The following XIRP1 variants were observed in gnomAD, a reference collection of about 807,000 sequenced individuals.
XIRP1 encodes xin actin-binding repeat-containing protein 1.
For synonymous variants in XIRP1, 984 were observed against 947.0 expected, an observed-to-expected ratio of 1.04 and a Z score of -0.72; for missense variants, 2,378 against 2,345.4, an observed-to-expected ratio of 1.01 and a Z score of -0.29.
In XIRP1 at chr3:39,186,029, C is replaced by T; in HGVS notation, c.3417G>A (p.Gln1139=). Residue 1139 remains glutamine, a synonymous_variant, in exon 2 of 2, where the codon CAG becomes CAA. Coordinates refer to ENST00000340369, the MANE Select transcript of XIRP1 (RefSeq NM_194293.4). ...CGGGATGAGCGGTGTAGATGCCATC[C>T]TGAATTGTCACCCACCCCCCAGGCA... ...RGLPGGWVTI[Q]DGIYTAHPVR... 6.2e-7 allele frequency: 1 copy of T among 1,613,746 alleles called. No homozygotes were observed. The highest frequency in any genetic ancestry group is 8.5e-7 in the Non-Finnish European group (1 of 1,179,880).
rs750040032 is a variant in XIRP1, at chr3:39,185,336, G to T, written c.4110C>A (p.Ile1370=). The T allele has an allele frequency of 6.2e-7, 1 of 1,614,226 alleles. No homozygotes were observed. Among genetic ancestry groups the T allele is most frequent in the East Asian group, 2.2e-5 (1 of 44,874 alleles). Residue 1370 remains isoleucine (I), a synonymous_variant, in exon 2 of 2, where the codon ATC becomes ATA. Transcript: ENST00000340369. The part of the protein sequence containing the change: ...EHQRGERDTA[I]PQPAKVPTTV... ...TAGTGGGAACCTTGGCTGGCTGAGGGATGGCTGTATCTCTCTCACCTCGTT... is the reference window on the plus strand; with the variant it reads ...TAGTGGGAACCTTGGCTGGCTGAGGTATGGCTGTATCTCTCTCACCTCGTT...
In XIRP1 at chr3:39,187,672, G is replaced by C. The variant is rs1256840486; in HGVS notation, c.1774C>G (p.Gln592Glu). The C allele has an allele frequency of 1.9e-6, 3 of 1,614,032 alleles. No homozygotes were observed. The Admixed American group carries it at 5.0e-5, about 27-fold the overall frequency. ...GTCTCGAACAACCACCGGATGGTCT[G>C]CACATCGCCCTTTGGGGGTGCCTCA... ...QPEAPPKGDV[Q>E]TIRWLFETCP... is the part of the protein sequence containing the mutation. The change falls in exon 2 of 2, where the codon CAG becomes GAG. Residue 592 changes from glutamine (Q) to glutamate (E), a missense_variant. By Grantham distance (29) the Gln-to-Glu change is conservative. Transcript: ENST00000340369.
In XIRP1 at chr3:39,186,530, A is replaced by G. The variant is rs1479890316; in HGVS notation, c.2916T>C (p.His972=). 4 of 1,612,196 alleles carry G rather than the reference A, an allele frequency of 2.5e-6. No homozygotes were observed. Among genetic ancestry groups the G allele is most frequent in the Non-Finnish European group, 3.4e-6 (4 of 1,179,320 alleles). ...CCATGCTGGGGTCCAGTGGGGGAAC[A>G]TGGATGATGCTCTCAGTTGGGTGCA... ...QSLHPTESII[H]VPPLDPSMGM... Residue 972 remains histidine, a synonymous_variant, in exon 2 of 2, where the codon CAT becomes CAC. Transcript: ENST00000340369.
rs2039961666 is a variant in XIRP1, at chr3:39,185,972, C to A, written c.3474G>T (p.Gln1158His). ...VRTFDPPGGV[Q>H]LSQREPQSRH... ...TTGACTGGGGTTCCCTCTGAGAAAGCTGGACACCCCCAGGTGGGTCAAAGG... is the reference window on the plus strand; with the variant it reads ...TTGACTGGGGTTCCCTCTGAGAAAGATGGACACCCCCAGGTGGGTCAAAGG... Residue 1158 changes from glutamine (Q) to histidine (H), a missense_variant, in exon 2 of 2, where the codon CAG becomes CAT. Gln to His is a conservative substitution (Grantham distance 24). Transcript: ENST00000340369. 6.2e-7 allele frequency: 1 copy of A among 1,614,096 alleles called. No homozygotes were observed. The highest frequency in any genetic ancestry group is 1.1e-5 in the South Asian group (1 of 91,088).
chr3:39,192,188 G>A (rs2040096033), intron 1 of XIRP1, among the ~76,000 whole-genome samples: 1 of 152,232 alleles, frequency 6.6e-6, no homozygotes, highest in Non-Finnish European at 1.5e-5. Flanking sequence ...GATCATGCCA[G>A]CCTGGCAGGA....
chr3:39,186,737 G>T lies in XIRP1; in HGVS notation c.2709C>A (p.Gly903=). The stretch of plus-strand genomic sequence containing the variant: ...GAGAGTAGGCAGTCAGTGCGACCAG[G>T]CCCTGCTCTGTCTCCTGCATCACCA... ...TGLVMQETEQ[G]LVALTAYSLQ... The change falls in exon 2 of 2, where the codon GGC becomes GGA. Residue 903 remains glycine, a synonymous_variant. Transcript: ENST00000340369. The T allele has an allele frequency of 2.5e-6, 4 of 1,613,994 alleles. No individual in the cohort carries two copies. Among genetic ancestry groups the T allele is most frequent in the Non-Finnish European group, 3.4e-6 (4 of 1,180,030 alleles).
chr3:39,183,887 G>T lies in XIRP1; in HGVS notation c.*27C>A. On this transcript the variant is annotated 3_prime_UTR_variant, in exon 2 of 2. Coordinates refer to ENST00000340369, the MANE Select transcript of XIRP1 (RefSeq NM_194293.4). ...GGGGCAGTGGAGGCCAGGAACAGGT[G>T]GCAGGTGTGGTGGGAGGCGGTGGGC... 1.3e-6 allele frequency: 2 copies of T among 1,597,554 alleles called. No homozygotes were observed. The highest frequency in any genetic ancestry group is 1.7e-5 in the Admixed American group (1 of 59,062).
chr3:39,186,596 A>T lies in XIRP1; in HGVS notation c.2850T>A (p.Ala950=). The change falls in exon 2 of 2, where the codon GCT becomes GCA. Residue 950 remains alanine, a synonymous_variant. Coordinates refer to ENST00000340369, the MANE Select transcript of XIRP1 (RefSeq NM_194293.4). The stretch of plus-strand genomic sequence containing the variant: ...CGCTGGCTGGCACTGGACTCGGGTC[A>T]GCCGGGGGCTCCCACCGCAGACTGT... The part of the protein sequence containing the change: ...GLHSLRWEPP[A]DPSPVPASEG... The T allele has an allele frequency of 6.2e-7, 1 of 1,610,170 alleles. No homozygotes were observed. The highest frequency in any genetic ancestry group is 1.7e-4 in the Middle Eastern group (1 of 6,052).
In XIRP1 at chr3:39,188,736, G is replaced by A. The variant is rs35083720; in HGVS notation, c.710C>T (p.Thr237Met). The change falls in exon 2 of 2, where the codon ACG becomes ATG. Residue 237 changes from threonine (T) to methionine (M), a missense_variant. Thr to Met is a moderately conservative substitution (Grantham distance 81, BLOSUM62 -1). Transcript: ENST00000340369. ...DVKKTVKLFQ[T>M]EPLCAIQDAE... ...ATCCTGGATGGCACACAGGGGCTCC[G>A]TTTGGAAGAGCTTCACTGTCTTTTT... The A allele has an allele frequency of 1.2e-6, 2 of 1,613,710 alleles. No individual in the cohort carries two copies. The highest frequency in any genetic ancestry group is 1.1e-5 in the South Asian group (1 of 91,092).
rs937739014 is a variant in XIRP1 at position 39,192,502 on chromosome 3, G to A, written c.-137C>T. ...TGGTCTGTAGCAGCTGTGGTCTCAG[G>A]GTTCGTCGTTCCTCTGGAGGTTCTT... On this transcript the variant is annotated 5_prime_UTR_variant, in exon 1 of 2. Transcript: ENST00000340369. The A allele has an allele frequency of 6.6e-6, 1 of 152,446 alleles. No homozygotes were observed. The highest frequency in any genetic ancestry group is 1.5e-5 in the Non-Finnish European group (1 of 68,272). The allele number at this position is 152,446 out of a possible 1,614,324, so 9.4% of individuals were successfully genotyped here.
At position 39,183,842 on chromosome 3, in the gene XIRP1, C is replaced by G. The variant is rs998847694; in HGVS notation, c.*72G>C. ...GGTCCTTGCTCCAGTGTACAGGAGG[C>G]AGGTACCCACTTCAGTCCTGGGGCA... is the stretch of plus-strand genomic sequence containing the variant. On this transcript the variant is annotated 3_prime_UTR_variant, in exon 2 of 2. Coordinates refer to ENST00000340369, the MANE Select transcript of XIRP1 (RefSeq NM_194293.4). 9.8e-6 allele frequency: 15 copies of G among 1,528,036 alleles called. No homozygotes were observed. Among genetic ancestry groups the G allele is most frequent in the Non-Finnish European group, 1.1e-5 (12 of 1,140,406 alleles). 94.7% of individuals were successfully genotyped at this position (1,528,036 alleles called of 1,614,324 possible). A position where few individuals can be genotyped will look rare whatever the true frequency, so the allele number is the denominator to read the frequency against.
rs151275736 is a variant in XIRP1, at chr3:39,185,683, G to A, written c.3763C>T (p.Pro1255Ser). 4,157 of 1,613,334 alleles carry A rather than the reference G, an allele frequency of 2.6e-3. 14 individuals carry two copies. Among genetic ancestry groups the A allele is most frequent in the Non-Finnish European group, 2.9e-3 (3,411 of 1,179,666 alleles). ...ASPHPHNAFV[P>S]PPPTLPAAVT... is the part of the protein sequence containing the mutation. ...GCAGCTGGGAGAGTAGGAGGAGGAG[G>A]AACAAAGGCATTATGGGGGTGCGGG... is the stretch of plus-strand genomic sequence containing the variant. Residue 1255 changes from proline (P) to serine (S), a missense_variant, in exon 2 of 2, where the codon CCT becomes TCT. Transcript: ENST00000340369.
In XIRP1 at chr3:39,187,505, C is replaced by A. The variant is rs2040003758; in HGVS notation, c.1941G>T (p.Gln647His). The A allele has an allele frequency of 1.2e-6, 2 of 1,614,082 alleles. No homozygotes were observed. The highest frequency in any genetic ancestry group is 1.7e-6 in the Non-Finnish European group (2 of 1,180,052). Residue 647 changes from glutamine (Q) to histidine (H), a missense_variant, in exon 2 of 2, where the codon CAG becomes CAT. By Grantham distance (24) the Gln-to-His change is conservative. Coordinates refer to ENST00000340369, the MANE Select transcript of XIRP1 (RefSeq NM_194293.4). ...TTTCCCCAGCCGGGACCTGGCTAAC[C>A]TGCAGGTGCTGCTCCCTGGAGCCCA... ...RPVGSREQHLQVSQVPAGERQ... is the reference protein window; with the variant it reads ...RPVGSREQHLHVSQVPAGERQ...
rs776090614 is a variant in XIRP1, at chr3:39,186,258, G to A, written c.3188C>T (p.Ala1063Val). 1.9e-6 allele frequency: 3 copies of A among 1,613,078 alleles called. No individual in the cohort carries two copies. The South Asian group carries it at 3.3e-5, about 18-fold the overall frequency. ...TTGCTGGTGCAGGCTCTGGGCTTCA[G>A]CTGTTGCCATCCGCAGACTCTGCAT... ...AAMQSLRMATAEAQSLHQQVL... is the reference protein window; with the variant it reads ...AAMQSLRMATVEAQSLHQQVL... Residue 1063 changes from alanine to valine, a missense_variant, in exon 2 of 2, where the codon GCT (alanine) becomes GTT (valine). Transcript: ENST00000340369.
chr3:39,190,645 A>C (rs1575184882), intron 1 of XIRP1, among the ~76,000 whole-genome samples: 1 of 150,846 alleles, frequency 6.6e-6, no homozygotes, highest in Admixed American at 6.6e-5. Context: ...CCCCGGCTAC[A>C]CCCCCGCCCC....
In XIRP1 at chr3:39,187,877, C is replaced by G; in HGVS notation, c.1569G>C (p.Gln523His). 6.2e-7 allele frequency: 1 copy of G among 1,614,226 alleles called. No individual in the cohort carries two copies. The highest frequency in any genetic ancestry group is 8.5e-7 in the Non-Finnish European group (1 of 1,180,042). Residue 523 changes from glutamine to histidine, a missense_variant, in exon 2 of 2, where the codon CAG becomes CAC. Physicochemically the swap from Gln to His is conservative, Grantham distance 24. Coordinates refer to ENST00000340369, the MANE Select transcript of XIRP1 (RefSeq NM_194293.4). The stretch of plus-strand genomic sequence containing the variant: ...CGATGGTACTGGGGCTTCGGCCGAG[C>G]TGGTCTAGGGGCTGTGTCTCAAACA... The part of the protein sequence containing the change: ...RWMFETQPLD[Q>H]LGRSPSTIDV...
chr3:39,185,552 AG>A lies in XIRP1; in HGVS notation c.3893del (p.Pro1298LeufsTer36). On this transcript the variant is annotated frameshift_variant, in exon 2 of 2. Coordinates refer to ENST00000340369, the MANE Select transcript of XIRP1 (RefSeq NM_194293.4). LOFTEE classifies it low-confidence loss of function (END_TRUNC). Reference sequence around the variant, plus strand: ...ACCCTCCAGGGGTTCTCTGGCCAGCAGGGCTGCTGTGGGAGTGAAGAAGGGG... The same window carrying A: ...ACCCTCCAGGGGTTCTCTGGCCAGCAGGCTGCTGTGGGAGTGAAGAAGGGG... ...KDPLLHSHSS[P>X]AGQRTPGGSQ... 1 of 1,568,154 alleles carries A rather than the reference AG, an allele frequency of 6.4e-7. No homozygotes were observed.
chr3:39,189,415 T>G lies in XIRP1; in HGVS notation c.31A>C (p.Thr11Pro). The G allele has an allele frequency of 1.2e-6, 2 of 1,604,024 alleles. No homozygotes were observed. Among genetic ancestry groups the G allele is most frequent in the Non-Finnish European group, 1.7e-6 (2 of 1,175,036 alleles). Residue 11 changes from threonine (T) to proline (P), a missense_variant, in exon 2 of 2, where the codon ACA becomes CCA. Physicochemically the swap from Thr to Pro is conservative, Grantham distance 38. Transcript: ENST00000340369. Reference sequence around the variant, plus strand: ...GCAGTTGCCATCCTCATGGTTGGTGTGGGGGCCACCTGTGTCTGGGTGTCG... The same window carrying G: ...GCAGTTGCCATCCTCATGGTTGGTGGGGGGGCCACCTGTGTCTGGGTGTCG... MADTQTQVAP[T>P]PTMRMATAED...
In XIRP1 at chr3:39,187,593, G is replaced by C. The variant is rs1243901180; in HGVS notation, c.1853C>G (p.Thr618Arg). 1 of 1,614,094 alleles carries C rather than the reference G, an allele frequency of 6.2e-7. No homozygotes were observed. The highest frequency in any genetic ancestry group is 8.5e-7 in the Non-Finnish European group (1 of 1,180,038). Residue 618 changes from threonine to arginine, a missense_variant, in exon 2 of 2, where the codon ACA (threonine) becomes AGA (arginine). Physicochemically the swap from Thr to Arg is moderately conservative, Grantham distance 71. Coordinates refer to ENST00000340369, the MANE Select transcript of XIRP1 (RefSeq NM_194293.4). Reference sequence around the variant, plus strand: ...GCAGGACTGTGCCTCAGCCTTGGCTGTGGGATCTGTGACCTCTGACCCCTG... The same window carrying C: ...GCAGGACTGTGCCTCAGCCTTGGCTCTGGGATCTGTGACCTCTGACCCCTG... ...EKQGSEVTDPTAKAEAQSCTW... is the reference protein window; with the variant it reads ...EKQGSEVTDPRAKAEAQSCTW...
Sources: gnomAD v4.1 joint callset for allele counts (sites outside exome capture counted in the v4.1 genomes callset) on GRCh38, gnomAD v4.1.1 for gene constraint, MANE v1.5 for transcripts, NCBI Gene and HGNC (gene_info 2026-07-23, HGNC 2026-07-21) for gene names.